The following TRIP11 variants were observed in gnomAD, a reference collection of about 807,000 sequenced individuals.
TRIP11 encodes the protein thyroid hormone receptor interactor 11, also known as thyroid receptor-interacting protein 11.
In TRIP11, 148 loss-of-function variants were observed where a neutral mutation model predicts 223.1. The ratio of observed to expected loss-of-function variants is 0.66; its 90% confidence interval spans 0.58 to 0.76. The LOEUF (loss-of-function observed/expected upper bound fraction) is 0.76, where lower values mean the gene tolerates loss of function less well. Among genes scored for constraint, TRIP11 ranks in the 30% least tolerant of loss-of-function variants. The pLI is 0.00. For missense variants in TRIP11, 2,043 were observed against 2,222.0 expected (o/e 0.92, Z 1.62); for synonymous variants, 762 against 772.6 (o/e 0.99, Z 0.23).
intron 6 of TRIP11, among the ~76,000 whole-genome samples, chr14:92,015,128 TC>T (rs2057020215): frequency 6.6e-6 from 1 of 151,952 alleles, no homozygotes; most frequent in African/African-American, 2.4e-5. Flanking sequence ...GGTCTCAAAC[TC>T]CTGGCCTCAA....
chr14:91,975,280 T>G lies in TRIP11; in HGVS notation c.5349A>C (p.Leu1783=). The change falls in exon 18 of 21, where the codon CTA becomes CTC. Residue 1783 remains leucine, a synonymous_variant. Transcript: ENST00000267622. ...NSSEGKVDKV[L]MRNLFIGHFH... The stretch of plus-strand genomic sequence containing the variant: ...AATGACCAATGAAGAGGTTTCTCAT[T>G]AGGACTCTATGAAAATAAAGGCAGA... 1 of 1,612,638 alleles carries G rather than the reference T, an allele frequency of 6.2e-7. No individual in the cohort carries two copies. The highest frequency in any genetic ancestry group is 1.3e-5 in the African/African-American group (1 of 74,948).
chr14:91,980,852 A>G (rs1487437504), intron 16 of TRIP11, among the ~76,000 whole-genome samples: 1 of 151,644 alleles, frequency 6.6e-6, no homozygotes, highest in African/African-American at 2.4e-5. Context: ...AATCTGATAC[A>G]ATATTAAACC....
intron 17 of TRIP11, among the ~76,000 whole-genome samples, chr14:91,975,766 T>G (rs1392251368): frequency 6.6e-6 from 1 of 152,106 alleles, no homozygotes; most frequent in Non-Finnish European, 1.5e-5. Flanking sequence ...TCTAATACAT[T>G]TGAGCAAGAT....
chr14:92,025,546 C>T, intron 2 of TRIP11, 126 bp from the exon 3 acceptor site: 1 of 689,252 alleles, frequency 1.5e-6, no homozygotes, highest in Admixed American at 2.5e-5. Flanking sequence ...AGGTCTCGGA[C>T]AGAATTCTGG....
At chr14:91,975,821 A>G (rs901332591) in intron 17 of TRIP11, among the ~76,000 whole-genome samples, 2 of 152,128 alleles carry the variant, frequency 1.3e-5, no homozygotes, top group Admixed American at 1.3e-4. Flanking sequence ...AGAATGGTAA[A>G]AATAAATTTT....
In TRIP11 at chr14:92,039,863, G is replaced by T; in HGVS notation, c.-178C>A. 1 of 1,355,516 alleles carries T rather than the reference G, an allele frequency of 7.4e-7. No individual in the cohort carries two copies. Among genetic ancestry groups the T allele is most frequent in the South Asian group, 1.4e-5 (1 of 73,744 alleles). 84.0% of individuals were successfully genotyped at this position (1,355,516 alleles called of 1,614,324 possible). A position where few individuals can be genotyped will look rare whatever the true frequency, so the allele number is the denominator to read the frequency against. On this transcript the variant is annotated 5_prime_UTR_variant, in exon 1 of 21. Transcript: ENST00000267622. ...TTCTGCCTAGAAACGCAGAGGCCTG[G>T]CCTGGAATTTTACCAGGGGCCCGCC...
rs754780231 is a variant in TRIP11, at chr14:91,976,120, C to T, written c.5330G>A (p.Gly1777Glu). ...KLMSLANSSE[G>E]KVDKVLMRNL... The stretch of plus-strand genomic sequence containing the variant: ...GCAAAAAGCATACTTGTCTACTTTT[C>T]CTTCTGAGCTGTTTGCTAAGCTCAT... Residue 1777 changes from glycine (G) to glutamate (E), a missense_variant, in exon 17 of 21, where the codon GGA (glycine) becomes GAA (glutamate). Transcript: ENST00000267622. 6.2e-7 allele frequency: 1 copy of T among 1,612,222 alleles called. No individual in the cohort carries two copies. Among genetic ancestry groups the T allele is most frequent in the East Asian group, 2.2e-5 (1 of 44,764 alleles).
At position 92,021,604 on chromosome 14, in the gene TRIP11, T is replaced by G. The variant is rs772443100; in HGVS notation, c.540A>C (p.Glu180Asp). 1 of 1,614,212 alleles carries G rather than the reference T, an allele frequency of 6.2e-7. No individual in the cohort carries two copies. Among genetic ancestry groups the G allele is most frequent in the Admixed American group, 1.7e-5 (1 of 60,030 alleles). ...CAACTTCAGACTCAAGTCTTGAAAC[T>G]TCATTTGAGAGTCGGTTTATTTCTT... ...SQQEINRLSN[E>D]VSRLESEVGH... The change falls in exon 4 of 21, where the codon GAA (glutamate) becomes GAC (aspartate). Residue 180 changes from glutamate to aspartate, a missense_variant. By Grantham distance (45) the Glu-to-Asp change is conservative (BLOSUM62 2). Coordinates refer to ENST00000267622, the MANE Select transcript of TRIP11 (RefSeq NM_004239.4).
intron 2 of TRIP11, among the ~76,000 whole-genome samples, chr14:92,027,311 T>C (rs1184911818): frequency 6.6e-6 from 1 of 151,598 alleles, no homozygotes; most frequent in Non-Finnish European, 1.5e-5. Flanking sequence ...AAAAACCTTG[T>C]AAAAAAAGCA....
intron 16 of TRIP11, among the ~76,000 whole-genome samples, chr14:91,981,559 T>G (rs2056545632): frequency 6.6e-6 from 1 of 150,690 alleles, no homozygotes; most frequent in African/African-American, 2.4e-5. Flanking sequence ...CCTGGCCAAT[T>G]TTTTTGTATT....
chr14:91,981,747 G>A (rs2056548128), intron 16 of TRIP11, among the ~76,000 whole-genome samples: 1 of 152,192 alleles, frequency 6.6e-6, no homozygotes, highest in South Asian at 2.1e-4. Context: ...AGAATTTGAA[G>A]GTCTAGAGTA....
rs199577096 is a variant in TRIP11 at position 92,003,381 on chromosome 14, C to T, written c.4557+38G>A. Reference sequence around the variant, plus strand: ...TAACATTAAAAAAAGTCTCCTCCACCCCCAACTTCCTTCTACAATACTCCA... The same window carrying T: ...TAACATTAAAAAAAGTCTCCTCCACTCCCAACTTCCTTCTACAATACTCCA... On this transcript the variant is annotated intron_variant, in intron 11 of 20. Coordinates refer to ENST00000267622, the MANE Select transcript of TRIP11 (RefSeq NM_004239.4). 15 of 1,609,484 alleles carry T rather than the reference C, an allele frequency of 9.3e-6. No homozygotes were observed. In the Admixed American group the frequency reaches 2.2e-4, roughly 23 times the overall value.
At position 91,995,154 on chromosome 14, in the gene TRIP11, A is replaced by C. The variant is rs74073651; in HGVS notation, c.5056+198T>G. ...ATACTAAAACAAATTTTTAATAATT[A>C]CTAAATAAAGTTTATTTTCTCGTCT... On this transcript the variant is annotated intron_variant, in intron 14 of 20. Transcript: ENST00000267622. Among the ~76,000 whole-genome samples, 980 of 152,294 alleles carry C rather than the reference A, an allele frequency of 6.4e-3. 15 individuals are homozygous for C. Among genetic ancestry groups the C allele is most frequent in the African/African-American group, 0.022 (909 of 41,554 alleles).
At chr14:92,013,819 A>T (rs2057003137) in intron 7 of TRIP11, among the ~76,000 whole-genome samples, 1 of 152,234 alleles carries the variant, frequency 6.6e-6, no homozygotes, top group East Asian at 1.9e-4. Context: ...AACACAGAAT[A>T]CTGGTACAGT....
intron 16 of TRIP11, among the ~76,000 whole-genome samples, chr14:91,977,923 T>C (rs2056488848): frequency 6.6e-6 from 1 of 152,180 alleles, no homozygotes; most frequent in Admixed American, 6.5e-5. Flanking sequence ...TTTACCAAAA[T>C]AGAGATGGTT....
chr14:92,005,760 T>C lies in TRIP11; in HGVS notation c.2216A>G (p.Tyr739Cys), dbSNP rs749441271. The change falls in exon 11 of 21, where the codon TAT becomes TGT. Residue 739 changes from tyrosine to cysteine, a missense_variant. Physicochemically the swap from Tyr to Cys is radical, Grantham distance 194. Transcript: ENST00000267622. ...TGACAGTTCTTCAATGGTTTTCTCA[T>C]ACTTGTTTGCTTCTTCCAACAGCCT... ...KKRLLEEANK[Y>C]EKTIEELSNA... 6.2e-6 allele frequency: 10 copies of C among 1,614,096 alleles called. No individual in the cohort carries two copies. The highest frequency in any genetic ancestry group is 8.5e-6 in the Non-Finnish European group (10 of 1,180,018).
At chr14:92,026,820 G>A in intron 2 of TRIP11, 2 of 1,374,016 alleles carry the variant, frequency 1.5e-6, no homozygotes, top group Non-Finnish European at 2.1e-6. Flanking sequence ...ACCGGCAAGT[G>A]GGCAGCTGAA....
At chr14:92,009,088 AT>A (rs551264265) in intron 9 of TRIP11, among the ~76,000 whole-genome samples, 176 of 152,346 alleles carry the variant, frequency 1.2e-3, no homozygotes, top group African/African-American at 4.1e-3. Context: ...TGGAAACAGC[AT>A]TCTCTTAAGT....
intron 5 of TRIP11, among the ~76,000 whole-genome samples, chr14:92,017,320 T>C (rs1015740413): frequency 3.9e-4 from 60 of 152,170 alleles, no homozygotes; most frequent in African/African-American, 1.3e-3. Context: ...AGCAGGAGGA[T>C]GGCTTGAGGC....
Sources: allele counts gnomAD v4.1 joint callset (sites outside exome capture counted in the v4.1 genomes callset), GRCh38; gene constraint gnomAD v4.1.1; transcripts MANE v1.5; gene names NCBI Gene and HGNC (gene_info 2026-07-23, HGNC 2026-07-21).